UBE2E1: variants seen among roughly 807,000 people sequenced by gnomAD.
UBE2E1 encodes the protein ubiquitin-conjugating enzyme E2 E1.
A neutral mutation model predicts 21.4 loss-of-function variants in UBE2E1; 6 were observed. That is an observed-to-expected ratio of 0.28 (90% CI 0.15 to 0.55). The LOEUF is 0.55. UBE2E1 is among the 20% of genes least tolerant of loss of function. UBE2E1 has a pLI of 0.93. For missense variants in UBE2E1, 142 were observed against 236.5 expected (o/e 0.60, Z 2.62); for synonymous variants, 87 against 82.7 (o/e 1.05, Z -0.28).
intron 3 of UBE2E1, among the ~76,000 whole-genome samples, chr3:23,878,623 C>T (rs1700970972): frequency 6.6e-6 from 1 of 152,212 alleles, no homozygotes; most frequent in African/African-American, 2.4e-5. Context: ...CTCAGATCAG[C>T]AATGGCATTA....
At position 23,887,500 on chromosome 3, in the gene UBE2E1, CT is replaced by C; in HGVS notation, c.204-63del. The stretch of plus-strand genomic sequence containing the variant: ...GAGGAGAGAGGTAATCTTTCCATCT[CT>C]TTTAATACACTGTAAAAATTGGGAT... On this transcript the variant is annotated intron_variant, in intron 3 of 5. Coordinates refer to ENST00000306627, the MANE Select transcript of UBE2E1 (RefSeq NM_003341.5). The surrounding 1 kb of genome is among the most constrained non-coding windows in gnomAD (Gnocchi z 4.4). The C allele has an allele frequency of 6.4e-7, 1 of 1,552,138 alleles. No individual in the cohort carries two copies. Among genetic ancestry groups the C allele is most frequent in the Non-Finnish European group, 8.7e-7 (1 of 1,154,694 alleles).
At chr3:23,838,525 T>TA (rs1312979592) in intron 3 of UBE2E1, among the ~76,000 whole-genome samples, 1 of 152,114 alleles carries the variant, frequency 6.6e-6, no homozygotes, top group South Asian at 2.1e-4. Context: ...GATGGAGTCT[T>TA]ACCCTGTCAC....
chr3:23,824,086 A>G (rs926578930), intron 3 of UBE2E1, among the ~76,000 whole-genome samples: 3 of 152,234 alleles, frequency 2.0e-5, no homozygotes, highest in Non-Finnish European at 2.9e-5. Context: ...CTGCATTCAC[A>G]CTACTGGATT....
chr3:23,849,403 A>C (rs1378808702), intron 3 of UBE2E1, among the ~76,000 whole-genome samples: 1 of 152,168 alleles, frequency 6.6e-6, no homozygotes, highest in Admixed American at 6.5e-5. Context: ...GGTTTGTTAC[A>C]TAGGTATACA....
chr3:23,810,471 G>A lies in UBE2E1; in HGVS notation c.153-989G>A, dbSNP rs148207801. 1.9e-4 allele frequency: 292 copies of A among 1,535,792 alleles called. 1 individual carries two copies. The East Asian group carries it at 6.1e-3, about 32-fold the overall frequency. ...CTATCCCCAGTGTGAGCTAGAGAGC[G>A]GACCATGAAGGAAGTGGGCAGACCC... is the stretch of plus-strand genomic sequence containing the variant. On this transcript the variant is annotated intron_variant, in intron 2 of 5. Coordinates refer to ENST00000306627, the MANE Select transcript of UBE2E1 (RefSeq NM_003341.5). This position sits in a 1 kb window ranked among gnomAD's most constrained non-coding sequence, Gnocchi z 5.8.
chr3:23,835,210 T>A (rs1286821504), intron 3 of UBE2E1, among the ~76,000 whole-genome samples: 2 of 152,184 alleles, frequency 1.3e-5, no homozygotes, highest in Admixed American at 6.5e-5. Context: ...TGGCTCATGC[T>A]TGTAATCTCA....
At chr3:23,860,245 T>G (rs114306174) in intron 3 of UBE2E1, among the ~76,000 whole-genome samples, 2,134 of 152,336 alleles carry the variant, frequency 0.014, 33 homozygotes, top group Non-Finnish European at 0.023. Context: ...TCTGTAGGGT[T>G]GAGACTCTGC....
chr3:23,852,532 A>G (rs1700348354), intron 3 of UBE2E1, among the ~76,000 whole-genome samples: 1 of 152,214 alleles, frequency 6.6e-6, no homozygotes, highest in Admixed American at 6.5e-5. Flanking sequence ...TTCTCTCTAC[A>G]AGATCATGTC....
At chr3:23,861,605 GAC>G (rs1700559345) in intron 3 of UBE2E1, among the ~76,000 whole-genome samples, 1 of 152,244 alleles carries the variant, frequency 6.6e-6, no homozygotes, top group African/African-American at 2.4e-5. Flanking sequence ...CTAGCAGGAA[GAC>G]ACACAAGCTG....
intron 3 of UBE2E1, among the ~76,000 whole-genome samples, chr3:23,832,052 T>A (rs577721491): frequency 2.6e-5 from 4 of 152,352 alleles, no homozygotes; most frequent in African/African-American, 9.6e-5. Context: ...TATTTAGCTT[T>A]AATAATTGGC....
Position 23,859,295 on chromosome 3 carries a change from ACT to A in UBE2E1, c.204-28267_204-28266del, listed in dbSNP as rs1486781176. ...GTAATGTGCCTGCAGCTGTTCTTTC[ACT>A]CTCTTGTTAAATTCTTGCTTTCTTT... On this transcript the variant is annotated intron_variant, in intron 3 of 5. Transcript: ENST00000306627. Among the ~76,000 whole-genome samples the A allele has an allele frequency of 3.3e-5, 5 of 151,768 alleles. No homozygotes were observed. The East Asian group carries it at 5.8e-4, about 18-fold the overall frequency.
intron 5 of UBE2E1, among the ~76,000 whole-genome samples, chr3:23,890,205 C>T (rs1477506272): frequency 6.6e-6 from 1 of 152,136 alleles, no homozygotes; most frequent in Non-Finnish European, 1.5e-5. Flanking sequence ...CCAGTCTCTA[C>T]TGAACTCAGC....
Position 23,807,575 on chromosome 3 carries a change from C to G in UBE2E1, c.152+154C>G, listed in dbSNP as rs1699305853. Reference sequence around the variant, plus strand: ...GGGCCTTGGAAGCCCTAATTATTTTCTCTATTGCTGCTTCTGTTTTTAAAT... The same window carrying G: ...GGGCCTTGGAAGCCCTAATTATTTTGTCTATTGCTGCTTCTGTTTTTAAAT... On this transcript the variant is annotated intron_variant, in intron 2 of 5. Coordinates refer to ENST00000306627, the MANE Select transcript of UBE2E1 (RefSeq NM_003341.5). 7 of 896,732 alleles carry G rather than the reference C, an allele frequency of 7.8e-6. No homozygotes were observed. The South Asian group carries it at 1.4e-4, about 18-fold the overall frequency. 55.5% of individuals were successfully genotyped at this position (896,732 alleles called of 1,614,324 possible).
At chr3:23,872,688 T>C (rs566055116) in intron 3 of UBE2E1, among the ~76,000 whole-genome samples, 1 of 152,328 alleles carries the variant, frequency 6.6e-6, no homozygotes, top group African/African-American at 2.4e-5. Flanking sequence ...AACATATTAA[T>C]ATAAATAACA....
At position 23,810,536 on chromosome 3, in the gene UBE2E1, G is replaced by A; in HGVS notation, c.153-924G>A. 3 of 1,534,252 alleles carry A rather than the reference G, an allele frequency of 2.0e-6. No homozygotes were observed. The highest frequency in any genetic ancestry group is 2.6e-6 in the Non-Finnish European group (3 of 1,145,854). ...ACGCCCGGGGAAAAGCAGGTCCGGGGAGGTGGGCCGAGAGTCCCGGCCAGC... is the reference window on the plus strand; with the variant it reads ...ACGCCCGGGGAAAAGCAGGTCCGGGAAGGTGGGCCGAGAGTCCCGGCCAGC... On this transcript the variant is annotated intron_variant, in intron 2 of 5. Transcript: ENST00000306627. The surrounding 1 kb of genome is among the most constrained non-coding windows in gnomAD (Gnocchi z 5.8).
intron 3 of UBE2E1, among the ~76,000 whole-genome samples, chr3:23,831,514 A>T (rs1186654869): frequency 8.8e-6 from 1 of 113,392 alleles, no homozygotes; most frequent in African/African-American, 3.4e-5. Flanking sequence ...TAACAAAATG[A>T]ATACTTTTTT....
chr3:23,807,394 C>G lies in UBE2E1; in HGVS notation c.125C>G (p.Ser42Cys). ...AGTAAAGTCAGCATGAGCAAAAACT[C>G]CAAACTCCTCTCCACCAGCGCCAAG... ...KESKVSMSKNSKLLSTSAKRI... is the reference protein window; with the variant it reads ...KESKVSMSKNCKLLSTSAKRI... The change falls in exon 2 of 6, where the codon TCC becomes TGC. Residue 42 changes from serine to cysteine, a missense_variant. Physicochemically the swap from Ser to Cys is moderately radical, Grantham distance 112 (BLOSUM62 -1). Around this residue, in one of 2 missense-constraint regions of UBE2E1, gnomAD observed 55 missense variants for 51.5 expected, o/e 1.07. Coordinates refer to ENST00000306627, the MANE Select transcript of UBE2E1 (RefSeq NM_003341.5). 1.2e-6 allele frequency: 2 copies of G among 1,613,606 alleles called. No homozygotes were observed. The highest frequency in any genetic ancestry group is 1.7e-6 in the Non-Finnish European group (2 of 1,179,816).
chr3:23,858,373 G>C (rs756060008), intron 3 of UBE2E1, among the ~76,000 whole-genome samples: 1 of 152,162 alleles, frequency 6.6e-6, no homozygotes, highest in Non-Finnish European at 1.5e-5. Flanking sequence ...AGGCTGGAGT[G>C]CAATGGCATG....
At chr3:23,819,020 T>TTG (rs1699587921) in intron 3 of UBE2E1, among the ~76,000 whole-genome samples, 2 of 152,124 alleles carry the variant, frequency 1.3e-5, no homozygotes, top group Non-Finnish European at 2.9e-5. Context: ...CACGGTGGCT[T>TTG]ACGCCTGTAG....
Sources: allele counts gnomAD v4.1 joint callset (sites outside exome capture counted in the v4.1 genomes callset), GRCh38; gene constraint gnomAD v4.1.1; regional missense constraint gnomAD v4.1.1; non-coding constraint Gnocchi (gnomAD v3.1); transcripts MANE v1.5; gene names NCBI Gene and HGNC (gene_info 2026-07-23, HGNC 2026-07-21).